RBMS3: variants seen among roughly 807,000 people sequenced by gnomAD.
RBMS3 encodes the protein RNA binding motif single stranded interacting protein 3, also known as RNA-binding motif, single-stranded-interacting protein 3.
Under a neutral mutation model 66.8 loss-of-function variants are expected in RBMS3, and 27 were observed. That is an observed-to-expected ratio of 0.40 (90% CI 0.30 to 0.56). RBMS3 has a LOEUF of 0.56. Ranked by LOEUF, RBMS3 falls within the 20% of genes least tolerant of loss-of-function variation. RBMS3 has a pLI of 0.40. For missense variants in RBMS3, 513 were observed against 549.5 expected, an observed-to-expected ratio of 0.93 and a Z score of 0.66; for synonymous variants, 188 against 183.0, an observed-to-expected ratio of 1.03 and a Z score of -0.22.
chr3:29,365,342 AT>A (rs1323944860), intron 1 of RBMS3, among the ~76,000 whole-genome samples: 2 of 152,002 alleles, frequency 1.3e-5, no homozygotes, highest in African/African-American at 4.8e-5. Context: ...TCTTTAAAAA[AT>A]TTTTTAGATA....
intron 1 of RBMS3, among the ~76,000 whole-genome samples, chr3:29,307,589 G>C (rs906551304): frequency 1.3e-5 from 2 of 151,900 alleles, no homozygotes; most frequent in African/African-American, 4.8e-5. Context: ...ATGTTGTTCA[G>C]TGCAAGGTGA....
intron 4 of RBMS3, among the ~76,000 whole-genome samples, chr3:29,632,975 A>G (rs1361299259): frequency 1.3e-5 from 2 of 151,908 alleles, no homozygotes; most frequent in African/African-American, 4.8e-5. Flanking sequence ...AAGCAATTTT[A>G]TAAAGATCTC....
At chr3:29,932,981 T>G (rs2149683263) in intron 10 of RBMS3, among the ~76,000 whole-genome samples, 1 of 152,314 alleles carries the variant, frequency 6.6e-6, no homozygotes, top group South Asian at 2.1e-4. Flanking sequence ...TTGGTCATTG[T>G]ATTTTTTAGT....
intron 4 of RBMS3, among the ~76,000 whole-genome samples, chr3:29,733,645 C>A (rs2054233912): frequency 6.6e-6 from 1 of 151,842 alleles, no homozygotes; most frequent in Non-Finnish European, 1.5e-5. Flanking sequence ...TCTCATATAT[C>A]TGTTGGCCAT....
rs1369096513 is a variant in RBMS3 at position 30,006,469 on chromosome 3, TTTTCATGC to T, written c.*2611_*2618del. The T allele has an allele frequency of 6.6e-6, 1 of 151,846 alleles. No individual in the cohort carries two copies. The highest frequency in any genetic ancestry group is 2.4e-5 in the African/African-American group (1 of 41,402). 9.4% of individuals were successfully genotyped at this position (151,846 alleles called of 1,614,324 possible). ...AACTGGTCACACTCACCATTATGGTTTTTCATGCTTTAGAGAAAATGCTAGATTTATAC... is the reference window on the plus strand; with the variant it reads ...AACTGGTCACACTCACCATTATGGTTTTTAGAGAAAATGCTAGATTTATAC... On this transcript the variant is annotated 3_prime_UTR_variant, in exon 15 of 15. Coordinates refer to ENST00000383767, the MANE Select transcript of RBMS3 (RefSeq NM_001003793.3).
At position 29,887,361 on chromosome 3, in the gene RBMS3, G is replaced by A. The variant is rs1422438191; in HGVS notation, c.791+3153G>A. Among the ~76,000 whole-genome samples, 8 of 151,860 alleles carry A rather than the reference G, an allele frequency of 5.3e-5. No individual in the cohort carries two copies. In the South Asian group the frequency reaches 8.3e-4, roughly 16 times the overall value. ...CCCCATGTGTCAAGAGAGAAACCAG[G>A]TGGAGGTAATAGAATCATGAGGGTG... On this transcript the variant is annotated intron_variant, in intron 8 of 14. Transcript: ENST00000383767.
intron 4 of RBMS3, among the ~76,000 whole-genome samples, chr3:29,736,525 G>A (rs574994134): frequency 1.4e-4 from 22 of 152,056 alleles, no homozygotes; most frequent in East Asian, 5.8e-4. Context: ...AGACAATGGC[G>A]TAGACTGTAA....
intron 1 of RBMS3, among the ~76,000 whole-genome samples, chr3:29,419,986 C>T (rs536099502): frequency 6.6e-6 from 1 of 152,078 alleles, no homozygotes; most frequent in African/African-American, 2.4e-5. Flanking sequence ...CCGTTGGTGT[C>T]TCTGTTTTCA....
chr3:29,649,962 G>A (rs2050083531), intron 4 of RBMS3, among the ~76,000 whole-genome samples: 1 of 152,132 alleles, frequency 6.6e-6, no homozygotes, highest in African/African-American at 2.4e-5. Context: ...CATCGCACAA[G>A]GCCAAGTGCT....
Position 29,849,731 on chromosome 3 carries a change from A to T in RBMS3, c.638-19127A>T, listed in dbSNP as rs577043328. Among the ~76,000 whole-genome samples, 5 of 152,272 alleles carry T rather than the reference A, an allele frequency of 3.3e-5. No homozygotes were observed. In the South Asian group the frequency reaches 1.0e-3, roughly 32 times the overall value. On this transcript the variant is annotated intron_variant, in intron 6 of 14. Transcript: ENST00000383767. The stretch of plus-strand genomic sequence containing the variant: ...ATCAGTGAAGAACTTGATTTGCAGA[A>T]ATATTTTAACAGCAAGAAGCATTCT...
chr3:29,490,008 A>C (rs2148916212), intron 3 of RBMS3, among the ~76,000 whole-genome samples: 1 of 137,422 alleles, frequency 7.3e-6, no homozygotes, highest in Middle Eastern at 4.0e-3. Flanking sequence ...GCGTCATTGC[A>C]CTCCAGCCTG....
At chr3:29,491,370 A>G (rs956309064) in intron 3 of RBMS3, among the ~76,000 whole-genome samples, 4 of 152,230 alleles carry the variant, frequency 2.6e-5, no homozygotes, top group South Asian at 2.1e-4. Flanking sequence ...GGATGTGTGA[A>G]GGGTGATACA....
chr3:29,745,916 T>C (rs1465139513), intron 5 of RBMS3, among the ~76,000 whole-genome samples: 1 of 151,438 alleles, frequency 6.6e-6, no homozygotes, highest in African/African-American at 2.4e-5. Context: ...AAAAGATGGG[T>C]ATAGGCATAC....
intron 3 of RBMS3, among the ~76,000 whole-genome samples, chr3:29,575,462 A>G (rs2149074322): frequency 6.6e-6 from 1 of 152,026 alleles, no homozygotes; most frequent in African/African-American, 2.4e-5. Context: ...TTTGATTATT[A>G]GATGCCTTGA....
intron 14 of RBMS3, among the ~76,000 whole-genome samples, chr3:29,994,080 C>T (rs557014094): frequency 5.8e-4 from 88 of 152,214 alleles, no homozygotes; most frequent in African/African-American, 1.4e-3. Flanking sequence ...ATGCACCGTG[C>T]GCAAGCCGAA....
At chr3:29,899,660 C>T (rs563106788) in intron 9 of RBMS3, 45 bp from the exon 10 acceptor site, 2 of 1,573,008 alleles carry the variant, frequency 1.3e-6, no homozygotes, top group South Asian at 2.3e-5. Context: ...GAACCAAGTT[C>T]TCTCTATGAT....
intron 1 of RBMS3, among the ~76,000 whole-genome samples, chr3:29,432,269 T>C (rs79717915): frequency 2.6e-5 from 4 of 152,266 alleles, no homozygotes; most frequent in Non-Finnish European, 5.9e-5. Flanking sequence ...TTTTCTAGCA[T>C]GGAGACTGGC....
intron 6 of RBMS3, among the ~76,000 whole-genome samples, chr3:29,822,637 G>T (rs1475715332): frequency 3.9e-5 from 6 of 151,966 alleles, no homozygotes; most frequent in African/African-American, 1.4e-4. Flanking sequence ...TAAATTATTG[G>T]CTATATAGGG....
intron 1 of RBMS3, among the ~76,000 whole-genome samples, chr3:29,302,809 G>T (rs1218536711): frequency 1.3e-5 from 2 of 151,906 alleles, no homozygotes; most frequent in African/African-American, 4.8e-5. Context: ...AATCTGGTCT[G>T]GGGGAGAAAA....
Sources: gnomAD v4.1 joint callset for allele counts (sites outside exome capture counted in the v4.1 genomes callset) on GRCh38, gnomAD v4.1.1 for gene constraint, MANE v1.5 for transcripts, NCBI Gene and HGNC (gene_info 2026-07-23, HGNC 2026-07-21) for gene names.